C17orf50: variants seen among roughly 807,000 people sequenced by gnomAD.
C17orf50 encodes plakoglobin binding and degradation factor.
In C17orf50, 16 loss-of-function variants were observed where a neutral mutation model predicts 17.7. That is an observed-to-expected ratio of 0.90 (90% CI 0.61 to 1.37). The LOEUF is 1.37. Ranked by LOEUF, C17orf50 falls within the 40% of genes most tolerant of loss-of-function variation. C17orf50 has a pLI of 0.00. For synonymous variants in C17orf50, 125 were observed against 111.0 expected (o/e 1.13, Z -0.80); for missense variants, 271 against 240.7 (o/e 1.13, Z -0.83).
chr17:35,764,201 T>A lies in C17orf50; in HGVS notation c.208T>A (p.Tyr70Asn), dbSNP rs782108790. ...GEGRERRSVS[Y>N]CPLRQESSTQ... ...AGGCCGCGAGCGGCGCTCAGTGTCCTACTGCCCGCTGCGCCAGGAGTCCAG... is the reference window on the plus strand; with the variant it reads ...AGGCCGCGAGCGGCGCTCAGTGTCCAACTGCCCGCTGCGCCAGGAGTCCAG... The change falls in exon 2 of 3, where the codon TAC becomes AAC. Residue 70 changes from tyrosine (Y) to asparagine (N), a missense_variant. By Grantham distance (143) the Tyr-to-Asn change is moderately radical. Transcript: ENST00000605587. 1.2e-5 allele frequency: 19 copies of A among 1,547,502 alleles called. No individual in the cohort carries two copies. Among genetic ancestry groups the A allele is most frequent in the Non-Finnish European group, 1.7e-5 (19 of 1,146,486 alleles).
At chr17:35,762,910 G>C (rs1272052806) in intron 1 of C17orf50, among the ~76,000 whole-genome samples, 4 of 152,006 alleles carry the variant, frequency 2.6e-5, no homozygotes, top group Non-Finnish European at 5.9e-5. Flanking sequence ...CAGATCACGA[G>C]GTCAGATCGA....
intron 1 of C17orf50, among the ~76,000 whole-genome samples, chr17:35,762,964 T>C (rs781154890): frequency 3.3e-5 from 5 of 151,632 alleles, no homozygotes; most frequent in East Asian, 1.9e-4. Context: ...CTACTAAAAA[T>C]ACAAAAAATT....
chr17:35,764,377 A>G, intron 2 of C17orf50, 49 bp from the exon 3 acceptor site: 1 of 1,458,518 alleles, frequency 6.9e-7, no homozygotes, highest in Non-Finnish European at 9.0e-7. Context: ...CCCGGGCCCC[A>G]GGGAGGAGGG....
intron 1 of C17orf50, among the ~76,000 whole-genome samples, chr17:35,763,786 A>T (rs2085872442): frequency 6.6e-6 from 1 of 151,920 alleles, no homozygotes; most frequent in Non-Finnish European, 1.5e-5. Flanking sequence ...AGTCCCAGCT[A>T]CTTGGGAGGC....
intron 1 of C17orf50, 69 bp from the exon 2 acceptor site, chr17:35,763,938 A>AAATAAATAAATAAATAAATAAATG (rs1568121389): frequency 1.9e-6 from 2 of 1,077,422 alleles, no homozygotes; most frequent in Non-Finnish European, 2.4e-6. Context: ...ATAAATAAAT[A>AAATAAATAAATAAATAAATAAATG]CATGAAAAAT....
At chr17:35,763,634 C>G (rs1555601957) in intron 1 of C17orf50, among the ~76,000 whole-genome samples, 2 of 151,678 alleles carry the variant, frequency 1.3e-5, no homozygotes, top group Admixed American at 6.6e-5. Context: ...CAGTGACTCA[C>G]GCCTGTAATC....
At chr17:35,761,188 C>CTG (rs2085811626) in intron 1 of C17orf50, among the ~76,000 whole-genome samples, 1 of 150,312 alleles carries the variant, frequency 6.7e-6, no homozygotes. Flanking sequence ...ACTGCAGCCT[C>CTG]TGCCTCCCGG....
At position 35,764,715 on chromosome 17, in the gene C17orf50, T is replaced by C; in HGVS notation, c.*97T>C. On this transcript the variant is annotated 3_prime_UTR_variant, in exon 3 of 3. Coordinates refer to ENST00000605587, the MANE Select transcript of C17orf50 (RefSeq NM_145272.4). ...GGAGCGCGGAGCCCTCTTCGACGCA[T>C]TCCGCAGGACCGCCCCTTCTCAGCT... 1 of 1,344,156 alleles carries C rather than the reference T, an allele frequency of 7.4e-7. No individual in the cohort carries two copies. Among genetic ancestry groups the C allele is most frequent in the Middle Eastern group, 2.6e-4 (1 of 3,802 alleles). The allele number at this position is 1,344,156 out of a possible 1,614,324, so 83.3% of individuals were successfully genotyped here. A position where few individuals can be genotyped will look rare whatever the true frequency, so the allele number is the denominator to read the frequency against.
rs782133980 is a variant in C17orf50, at chr17:35,764,668, C to T, written c.*50C>T. The T allele has an allele frequency of 2.1e-5, 32 of 1,510,970 alleles. No homozygotes were observed. Among genetic ancestry groups the T allele is most frequent in the Non-Finnish European group, 2.7e-5 (31 of 1,136,242 alleles). 93.6% of individuals were successfully genotyped at this position (1,510,970 alleles called of 1,614,324 possible). Reference sequence around the variant, plus strand: ...CCCTCCATCATTTCCTGGCCCCAGACCCCCTACCGACCTTCTCTCTTGGAG... The same window carrying T: ...CCCTCCATCATTTCCTGGCCCCAGATCCCCTACCGACCTTCTCTCTTGGAG... On this transcript the variant is annotated 3_prime_UTR_variant, in exon 3 of 3. Coordinates refer to ENST00000605587, the MANE Select transcript of C17orf50 (RefSeq NM_145272.4).
chr17:35,764,595 G>A lies in C17orf50; in HGVS notation c.502G>A (p.Ala168Thr). ...CVLDHPDLGK[A>T]GAAGNS ...TCTGGATCACCCGGATCTGGGTAAG[G>A]CGGGGGCCGCTGGGAACTCCTGAGC... The change falls in exon 3 of 3, where the codon GCG becomes ACG. Residue 168 changes from alanine to threonine, a missense_variant. Ala to Thr is a moderately conservative substitution (Grantham distance 58). Coordinates refer to ENST00000605587, the MANE Select transcript of C17orf50 (RefSeq NM_145272.4). The A allele has an allele frequency of 6.3e-7, 1 of 1,588,236 alleles. No individual in the cohort carries two copies. The highest frequency in any genetic ancestry group is 8.5e-7 in the Non-Finnish European group (1 of 1,170,912).
In C17orf50 at chr17:35,765,061, A is replaced by T. The variant is rs2085907893; in HGVS notation, c.*443A>T. On this transcript the variant is annotated 3_prime_UTR_variant, in exon 3 of 3. Coordinates refer to ENST00000605587, the MANE Select transcript of C17orf50 (RefSeq NM_145272.4). ...TCTTTCCCTGAAACCATTCAATAAA[A>T]CCTCTGATCAAAGTGTCAGTGCTTT... The T allele has an allele frequency of 6.6e-6, 1 of 152,396 alleles. No homozygotes were observed. Among genetic ancestry groups the T allele is most frequent in the African/African-American group, 2.4e-5 (1 of 41,412 alleles). 9.4% of individuals were successfully genotyped at this position (152,396 alleles called of 1,614,324 possible).
chr17:35,764,513 C>T lies in C17orf50; in HGVS notation c.420C>T (p.Leu140=), dbSNP rs2143118310. Residue 140 remains leucine (L), a synonymous_variant, in exon 3 of 3, where the codon CTC becomes CTT. Transcript: ENST00000605587. ...GGGGCTGTGCTTGCTGCGAGCTCCTCTTCTGCAAGAAATGCAGGAGTCTGC... is the reference window on the plus strand; with the variant it reads ...GGGGCTGTGCTTGCTGCGAGCTCCTTTTCTGCAAGAAATGCAGGAGTCTGC... ...RRGGCACCEL[L]FCKKCRSLHS... 1 of 1,596,210 alleles carries T rather than the reference C, an allele frequency of 6.3e-7. No homozygotes were observed. The highest frequency in any genetic ancestry group is 8.5e-7 in the Non-Finnish European group (1 of 1,173,982).
rs1181606275 is a variant in C17orf50, at chr17:35,764,295, T to C, written c.302T>C (p.Leu101Pro). 4.6e-6 allele frequency: 7 copies of C among 1,513,514 alleles called. No individual in the cohort carries two copies. The highest frequency in any genetic ancestry group is 2.8e-5 in the African/African-American group (2 of 70,614). 93.8% of individuals were successfully genotyped at this position (1,513,514 alleles called of 1,614,324 possible). Reference sequence around the variant, plus strand: ...TGGGGCTGGCTCGGCCCCTTAGCGCTGCTGGGCGGCCTAACAGCTCCCACC... The same window carrying C: ...TGGGGCTGGCTCGGCCCCTTAGCGCCGCTGGGCGGCCTAACAGCTCCCACC... Reference protein sequence around the residue: ...GFWGWLGPLALLGGLTAPTDR... With the variant: ...GFWGWLGPLAPLGGLTAPTDR... Residue 101 changes from leucine (L) to proline (P), a missense_variant, in exon 2 of 3, where the codon CTG (leucine) becomes CCG (proline). By Grantham distance (98) the Leu-to-Pro change is moderately conservative (BLOSUM62 -3). Coordinates refer to ENST00000605587, the MANE Select transcript of C17orf50 (RefSeq NM_145272.4).
Position 35,760,890 on chromosome 17 carries a change from C to T in C17orf50, c.-52C>T, listed in dbSNP as rs2143068984. 6.2e-7 allele frequency: 1 copy of T among 1,611,530 alleles called. No individual in the cohort carries two copies. On this transcript the variant is annotated 5_prime_UTR_variant, in exon 1 of 3. Transcript: ENST00000605587. ...CAAAGTTCTATGGGTTCTGGGCACCCTCTCACATCCCAGTCTCTGATCAGG... is the reference window on the plus strand; with the variant it reads ...CAAAGTTCTATGGGTTCTGGGCACCTTCTCACATCCCAGTCTCTGATCAGG...
chr17:35,762,382 G>C (rs1330149284), intron 1 of C17orf50, among the ~76,000 whole-genome samples: 2 of 152,170 alleles, frequency 1.3e-5, no homozygotes, highest in Non-Finnish European at 2.9e-5. Flanking sequence ...TAGCTATCCA[G>C]ATGTGACAGA....
rs782250176 is a variant in C17orf50, at chr17:35,760,950, G to T, written c.9G>T (p.Lys3Asn). 6.2e-7 allele frequency: 1 copy of T among 1,613,712 alleles called. No individual in the cohort carries two copies. The highest frequency in any genetic ancestry group is 1.1e-5 in the South Asian group (1 of 90,958). Residue 3 changes from lysine (K) to asparagine (N), a missense_variant, in exon 1 of 3, where the codon AAG becomes AAT. By Grantham distance (94) the Lys-to-Asn change is moderately conservative (BLOSUM62 0). Coordinates refer to ENST00000605587, the MANE Select transcript of C17orf50 (RefSeq NM_145272.4). ...GCACAGCCTTGGGAAGAATGGATAA[G>T]CATGGTGAGTGGGGCTGGAGGCAGG... Reference protein sequence around the residue: MDKHGVKTPLWKK... With the variant: MDNHGVKTPLWKK...
rs1555602181 is a variant in C17orf50, at chr17:35,764,213, C to A, written c.220C>A (p.Arg74Ser). The change falls in exon 2 of 3, where the codon CGC becomes AGC. Residue 74 changes from arginine (R) to serine (S), a missense_variant. By Grantham distance (110) the Arg-to-Ser change is moderately radical. Coordinates refer to ENST00000605587, the MANE Select transcript of C17orf50 (RefSeq NM_145272.4). The stretch of plus-strand genomic sequence containing the variant: ...GCGCTCAGTGTCCTACTGCCCGCTG[C>A]GCCAGGAGTCCAGCACCCAGCAGGT... ...ERRSVSYCPL[R>S]QESSTQQVAL... The A allele has an allele frequency of 1.9e-6, 3 of 1,547,304 alleles. No individual in the cohort carries two copies. The South Asian group carries it at 3.6e-5, about 18-fold the overall frequency.
chr17:35,764,416 C>T lies in C17orf50; in HGVS notation c.333-10C>T, dbSNP rs954807132. ...GCCCCAGGCACTGAGCGCCTGGTCCCCGCCGGCAGGAAGCGGAGCCTCCCG... is the reference window on the plus strand; with the variant it reads ...GCCCCAGGCACTGAGCGCCTGGTCCTCGCCGGCAGGAAGCGGAGCCTCCCG... On this transcript the variant is annotated splice_polypyrimidine_tract_variant and intron_variant, in intron 2 of 2. Coordinates refer to ENST00000605587, the MANE Select transcript of C17orf50 (RefSeq NM_145272.4). The T allele has an allele frequency of 5.2e-6, 8 of 1,525,156 alleles. No individual in the cohort carries two copies. The highest frequency in any genetic ancestry group is 6.1e-6 in the Non-Finnish European group (7 of 1,139,008). 94.5% of individuals were successfully genotyped at this position (1,525,156 alleles called of 1,614,324 possible).
At chr17:35,764,380 G>A (rs782498391) in intron 2 of C17orf50, 46 bp from the exon 3 acceptor site, 5 of 1,466,102 alleles carry the variant, frequency 3.4e-6, no homozygotes, top group Non-Finnish European at 4.5e-6. Flanking sequence ...GGGCCCCAGG[G>A]AGGAGGGGCT....
Sources: allele counts gnomAD v4.1 joint callset (sites outside exome capture counted in the v4.1 genomes callset), GRCh38; gene constraint gnomAD v4.1.1; transcripts MANE v1.5; gene names NCBI Gene and HGNC (gene_info 2026-07-23, HGNC 2026-07-21).